Variants in PEX14 observed in about 807,000 individuals in gnomAD.
PEX14 encodes the protein peroxisomal biogenesis factor 14.
PEX14 carries 15 observed loss-of-function variants against 49.5 expected under a neutral mutation model. That is an observed-to-expected ratio of 0.30 (90% CI 0.20 to 0.47). PEX14 has a LOEUF of 0.47. Among genes scored for constraint, PEX14 ranks in the 20% least tolerant of loss-of-function variants. The pLI, the probability that PEX14 is intolerant of heterozygous loss-of-function variation, is 1.00. For synonymous variants in PEX14, 210 were observed against 212.7 expected (o/e 0.99, Z 0.11); for missense variants, 398 against 494.8 (o/e 0.80, Z 1.86).
chr1:10,571,582 G>A (rs1639978548), intron 3 of PEX14, among the ~76,000 whole-genome samples: 1 of 152,144 alleles, frequency 6.6e-6, no homozygotes, highest in Non-Finnish European at 1.5e-5. Context: ...GCCGAGGCGG[G>A]CGGATCACTT....
At chr1:10,573,426 G>A (rs1030413018) in intron 3 of PEX14, among the ~76,000 whole-genome samples, 1 of 152,058 alleles carries the variant, frequency 6.6e-6, no homozygotes, top group South Asian at 2.1e-4. Flanking sequence ...TCTTAAAAAA[G>A]GGTGTACAAA....
rs979013868 is a variant in PEX14 at position 10,623,992 on chromosome 1, C to A, written c.488-348C>A. Among the ~76,000 whole-genome samples, 4 of 152,140 alleles carry A rather than the reference C, an allele frequency of 2.6e-5. No individual in the cohort carries two copies. Among genetic ancestry groups the A allele is most frequent in the African/African-American group, 9.7e-5 (4 of 41,432 alleles). ...CCAGCATTGGAGACCCCAGGAGTTT[C>A]ACAAGGACACTGAGGCCCAGGAGAT... On this transcript the variant is annotated intron_variant, in intron 6 of 8. Coordinates refer to ENST00000356607, the MANE Select transcript of PEX14 (RefSeq NM_004565.3). The surrounding 1 kb of genome is among the most constrained non-coding windows in gnomAD (Gnocchi z 4.4).
intron 3 of PEX14, among the ~76,000 whole-genome samples, chr1:10,577,327 G>A (rs1255566279): frequency 3.5e-5 from 5 of 143,152 alleles, no homozygotes; most frequent in African/African-American, 1.3e-4. Context: ...AACCTGGGAG[G>A]CATAGCTTTC....
intron 3 of PEX14, among the ~76,000 whole-genome samples, chr1:10,582,797 G>A (rs1316274572): frequency 1.3e-5 from 2 of 151,848 alleles, no homozygotes; most frequent in African/African-American, 4.8e-5. Flanking sequence ...GCAATGGCAC[G>A]ATCTCAGCTC....
At chr1:10,567,063 A>G (rs890862437) in intron 3 of PEX14, among the ~76,000 whole-genome samples, 1 of 152,250 alleles carries the variant, frequency 6.6e-6, no homozygotes, top group Non-Finnish European at 1.5e-5. Context: ...GCAGCCGTTG[A>G]CAGTGTATAA....
chr1:10,484,102 C>T (rs900668865), intron 1 of PEX14, among the ~76,000 whole-genome samples: 8 of 148,140 alleles, frequency 5.4e-5, no homozygotes, highest in Non-Finnish European at 7.4e-5. Context: ...AGTCTTGGCT[C>T]ACTGCAACCC....
chr1:10,576,604 A>G (rs757668889), intron 3 of PEX14, among the ~76,000 whole-genome samples: 7 of 152,150 alleles, frequency 4.6e-5, no homozygotes, highest in African/African-American at 9.7e-5. Context: ...CTGACCTTCA[A>G]ATGAATAAAT....
At chr1:10,501,933 C>G (rs1054304703) in intron 2 of PEX14, among the ~76,000 whole-genome samples, 3 of 151,262 alleles carry the variant, frequency 2.0e-5, no homozygotes, top group African/African-American at 7.3e-5. Flanking sequence ...CCTGCCCAAA[C>G]AGTAAATCAT....
intron 3 of PEX14, among the ~76,000 whole-genome samples, chr1:10,559,918 C>T (rs983038774): frequency 1.3e-5 from 2 of 152,112 alleles, no homozygotes; most frequent in African/African-American, 2.4e-5. Context: ...GTCCACTCTG[C>T]GTTGCTGCCA....
intron 3 of PEX14, among the ~76,000 whole-genome samples, chr1:10,582,255 A>G (rs1029226833): frequency 8.5e-5 from 13 of 152,222 alleles, no homozygotes; most frequent in African/African-American, 2.9e-4. Flanking sequence ...AAAATCTGCA[A>G]TTCATGAAGC....
At chr1:10,583,383 CTTTTTT>C (rs34977896) in intron 3 of PEX14, among the ~76,000 whole-genome samples, 1 of 127,926 alleles carries the variant, frequency 7.8e-6, no homozygotes, top group Admixed American at 8.0e-5. Flanking sequence ...TTGCACCCAG[CTTTTTT>C]TTTTTTTTTT....
chr1:10,495,346 C>A lies in PEX14; in HGVS notation c.84+25C>A. 1 of 1,588,380 alleles carries A rather than the reference C, an allele frequency of 6.3e-7. No individual in the cohort carries two copies. Among genetic ancestry groups the A allele is most frequent in the Non-Finnish European group, 8.6e-7 (1 of 1,157,478 alleles). ...GGTAAGTACCCAAGATATGTGGTAT[C>A]ACTTTCTAGTAATTAAAATGCCACG... On this transcript the variant is annotated intron_variant, in intron 2 of 8. Transcript: ENST00000356607. This position sits in a 1 kb window ranked among gnomAD's most constrained non-coding sequence, Gnocchi z 4.2.
chr1:10,507,208 G>A (rs1641798930), intron 2 of PEX14, among the ~76,000 whole-genome samples: 1 of 152,268 alleles, frequency 6.6e-6, no homozygotes, highest in Admixed American at 6.5e-5. Context: ...CTAAGAAGTG[G>A]CAGGACTGGG....
At chr1:10,548,319 C>A (rs1232852853) in intron 3 of PEX14, among the ~76,000 whole-genome samples, 1 of 152,172 alleles carries the variant, frequency 6.6e-6, no homozygotes, top group Non-Finnish European at 1.5e-5. Flanking sequence ...TAAGGGTAGA[C>A]AAGAGAGTTT....
At chr1:10,566,917 T>A (rs1348875607) in intron 3 of PEX14, among the ~76,000 whole-genome samples, 1 of 152,108 alleles carries the variant, frequency 6.6e-6, no homozygotes, top group South Asian at 2.1e-4. Flanking sequence ...TTTTTCCAGC[T>A]AATAAAATAA....
At chr1:10,543,815 G>A (rs778570575) in intron 3 of PEX14, among the ~76,000 whole-genome samples, 1 of 152,124 alleles carries the variant, frequency 6.6e-6, no homozygotes. Flanking sequence ...TCCCAGGCTG[G>A]TCTCAAACTC....
At position 10,529,029 on chromosome 1, in the gene PEX14, C is replaced by T. The variant is rs1013900560; in HGVS notation, c.85-7184C>T. 1.3e-5 allele frequency among the ~76,000 whole-genome samples: 2 copies of T among 152,210 alleles called. No individual in the cohort carries two copies. The highest frequency in any genetic ancestry group is 4.8e-5 in the African/African-American group (2 of 41,450). On this transcript the variant is annotated intron_variant, in intron 2 of 8. Coordinates refer to ENST00000356607, the MANE Select transcript of PEX14 (RefSeq NM_004565.3). The surrounding 1 kb of genome is among the most constrained non-coding windows in gnomAD (Gnocchi z 4.2). ...TCAAAGGCAGGGAAAAGGCAAATGTCATCCTTTTTTCCTCCCCTCTTTGGG... is the reference window on the plus strand; with the variant it reads ...TCAAAGGCAGGGAAAAGGCAAATGTTATCCTTTTTTCCTCCCCTCTTTGGG...
rs1638965989 is a variant in PEX14, at chr1:10,540,353, G to A, written c.169+4056G>A. Among the ~76,000 whole-genome samples the A allele has an allele frequency of 2.0e-5, 3 of 152,122 alleles. No homozygotes were observed. The East Asian group carries it at 5.8e-4, about 29-fold the overall frequency. ...TTTATCATTTACGTCTATTTCATGAGGTAGTTTGCATGTCCTTGAATGGAA... is the reference window on the plus strand; with the variant it reads ...TTTATCATTTACGTCTATTTCATGAAGTAGTTTGCATGTCCTTGAATGGAA... On this transcript the variant is annotated intron_variant, in intron 3 of 8. Transcript: ENST00000356607.
chr1:10,535,900 T>C (rs904178352), intron 2 of PEX14: 10 of 387,080 alleles, frequency 2.6e-5, no homozygotes, highest in Non-Finnish European at 4.9e-5. Flanking sequence ...TGGGTGCGCA[T>C]GGCCACACCT....
Sources: gnomAD v4.1 joint callset for allele counts (sites outside exome capture counted in the v4.1 genomes callset) on GRCh38, gnomAD v4.1.1 for gene constraint, Gnocchi (gnomAD v3.1) non-coding constraint, MANE v1.5 for transcripts, NCBI Gene and HGNC (gene_info 2026-07-23, HGNC 2026-07-21) for gene names.